Variants in CFDP1 observed in about 807,000 individuals in gnomAD.
CFDP1 encodes the protein heterochromatin-stabilizing protein CFDP1.
Under a neutral mutation model 40.1 loss-of-function variants are expected in CFDP1, and 31 were observed. The observed-to-expected ratio is 0.77, with a 90% CI of 0.58 to 1.04. The LOEUF is 1.04. Ranked by LOEUF, CFDP1 falls within the 50% of genes least tolerant of loss-of-function variation. The pLI is 0.00. For missense variants in CFDP1, 423 were observed against 343.4 expected, an observed-to-expected ratio of 1.23 and a Z score of -1.83; for synonymous variants, 167 against 120.0, an observed-to-expected ratio of 1.39 and a Z score of -2.56.
chr16:75,306,271 GAC>G (rs957014232), intron 5 of CFDP1: 84 of 152,256 alleles, frequency 5.5e-4, no homozygotes, highest in African/African-American at 2.0e-3. Context: ...TAAGGCCTGT[GAC>G]ACAGGACCCA....
intron 5 of CFDP1, among the ~76,000 whole-genome samples, chr16:75,368,159 C>A (rs1322705230): frequency 6.6e-6 from 1 of 152,076 alleles, no homozygotes; most frequent in African/African-American, 2.4e-5. Context: ...TACATCCTGA[C>A]TCAAGGAAAG....
chr16:75,429,543 C>T (rs2045652314), intron 1 of CFDP1, among the ~76,000 whole-genome samples: 1 of 152,122 alleles, frequency 6.6e-6, no homozygotes, highest in South Asian at 2.1e-4. Flanking sequence ...ATCCAAGCTA[C>T]TTGGGAGGCT....
intron 6 of CFDP1, among the ~76,000 whole-genome samples, chr16:75,304,214 G>A (rs529991001): frequency 3.1e-4 from 47 of 152,144 alleles, no homozygotes; most frequent in African/African-American, 1.1e-3. Context: ...GATTACAAGT[G>A]TGCACCACTA....
At chr16:75,317,903 G>T (rs182172064) in intron 5 of CFDP1, among the ~76,000 whole-genome samples, 1 of 151,904 alleles carries the variant, frequency 6.6e-6, no homozygotes, top group Non-Finnish European at 1.5e-5. Context: ...CTAACGTCAG[G>T]AGTTCGAGAC....
At chr16:75,386,681 C>T (rs1216631000) in intron 5 of CFDP1, among the ~76,000 whole-genome samples, 5 of 152,030 alleles carry the variant, frequency 3.3e-5, no homozygotes, top group South Asian at 2.1e-4. Context: ...GCCGAGATCC[C>T]GACACTGCAC....
intron 5 of CFDP1, among the ~76,000 whole-genome samples, chr16:75,319,333 C>T (rs868084324): frequency 2.6e-5 from 4 of 152,098 alleles, no homozygotes; most frequent in South Asian, 4.1e-4. Context: ...TGAGCCACCA[C>T]GCCCAGCCCC....
chr16:75,319,595 C>G (rs943335417), intron 5 of CFDP1, among the ~76,000 whole-genome samples: 1 of 152,150 alleles, frequency 6.6e-6, no homozygotes, highest in African/African-American at 2.4e-5. Flanking sequence ...CACTCAGTTG[C>G]CAGGGTAGCA....
At chr16:75,312,345 T>C (rs1488062039) in intron 5 of CFDP1, among the ~76,000 whole-genome samples, 3 of 152,340 alleles carry the variant, frequency 2.0e-5, no homozygotes, top group East Asian at 3.9e-4. Context: ...TTTAAACCTT[T>C]TGTGGCTTGA....
intron 5 of CFDP1, among the ~76,000 whole-genome samples, chr16:75,375,519 C>T (rs1049717690): frequency 5.3e-5 from 8 of 152,138 alleles, no homozygotes; most frequent in Non-Finnish European, 8.8e-5. Flanking sequence ...AGGCTGGGCG[C>T]GGTGGCTCAT....
At chr16:75,383,775 T>C (rs1207751446) in intron 5 of CFDP1, among the ~76,000 whole-genome samples, 4 of 141,546 alleles carry the variant, frequency 2.8e-5, no homozygotes, top group African/African-American at 1.1e-4. Flanking sequence ...GCCGAGATCG[T>C]GCCACTGCAC....
At chr16:75,354,830 C>A (rs1458665556) in intron 5 of CFDP1, among the ~76,000 whole-genome samples, 1 of 152,170 alleles carries the variant, frequency 6.6e-6, no homozygotes, top group East Asian at 1.9e-4. Context: ...ATAGTACCGT[C>A]CCGTTGTTAA....
chr16:75,433,364 T>G lies in CFDP1; in HGVS notation c.-12A>C, dbSNP rs757895636. 3 of 1,582,668 alleles carry G rather than the reference T, an allele frequency of 1.9e-6. No homozygotes were observed. The highest frequency in any genetic ancestry group is 2.6e-6 in the Non-Finnish European group (3 of 1,164,298). ...TCGAATTCCTCCATGTTGCTGCCGC[T>G]CGACGCTGGTCAAACTCACAAGACC... On this transcript the variant is annotated 5_prime_UTR_variant, in exon 1 of 7. Transcript: ENST00000283882.
chr16:75,351,527 C>T (rs994524225), intron 5 of CFDP1, among the ~76,000 whole-genome samples: 5 of 152,110 alleles, frequency 3.3e-5, no homozygotes, highest in Admixed American at 6.6e-5. Context: ...AAATATAAAA[C>T]ACTTTGAGAA....
intron 5 of CFDP1, among the ~76,000 whole-genome samples, chr16:75,379,344 A>G (rs77080929): frequency 4.0e-5 from 6 of 149,116 alleles, no homozygotes; most frequent in East Asian, 2.0e-4. Context: ...CCAAAAAAAA[A>G]AGAGAGAGAG....
chr16:75,315,972 C>G (rs1360136298), intron 5 of CFDP1, among the ~76,000 whole-genome samples: 1 of 152,080 alleles, frequency 6.6e-6, no homozygotes, highest in Non-Finnish European at 1.5e-5. Flanking sequence ...AGTCTCTTGC[C>G]TTTGGTTTTG....
intron 5 of CFDP1, among the ~76,000 whole-genome samples, chr16:75,359,025 G>A (rs1036169109): frequency 3.3e-5 from 5 of 152,152 alleles, no homozygotes; most frequent in African/African-American, 1.2e-4. Context: ...TATCAAAACA[G>A]CTAGTAAAAT....
intron 4 of CFDP1, among the ~76,000 whole-genome samples, chr16:75,407,666 A>AG (rs1245218649): frequency 2.7e-5 from 4 of 146,408 alleles, no homozygotes; most frequent in South Asian, 2.2e-4. Context: ...AAAAAAAAAA[A>AG]AAAAAAGAAA....
At chr16:75,415,523 TAAC>T (rs2079195612) in intron 1 of CFDP1, among the ~76,000 whole-genome samples, 1 of 152,186 alleles carries the variant, frequency 6.6e-6, no homozygotes, top group Non-Finnish European at 1.5e-5. Flanking sequence ...TTCCAGTCAC[TAAC>T]AACTGCCCTA....
intron 4 of CFDP1, 144 bp from the exon 5 acceptor site, chr16:75,395,353 A>G (rs1010034242): frequency 9.2e-6 from 8 of 871,948 alleles, no homozygotes; most frequent in African/African-American, 3.4e-5. Context: ...AAAGTTTACT[A>G]TAACTTTCAA....
Sources: gnomAD v4.1 joint callset for allele counts (sites outside exome capture counted in the v4.1 genomes callset) on GRCh38, gnomAD v4.1.1 for gene constraint, MANE v1.5 for transcripts, NCBI Gene and HGNC (gene_info 2026-07-23, HGNC 2026-07-21) for gene names.